The following INPP4B variants were observed in gnomAD, a reference collection of about 807,000 sequenced individuals.
The protein encoded by INPP4B is inositol polyphosphate-4-phosphatase type II B.
A neutral mutation model predicts 122.5 loss-of-function variants in INPP4B; 55 were observed. That is an observed-to-expected ratio of 0.45 (90% CI 0.36 to 0.56). INPP4B has a LOEUF of 0.56. Among genes scored for constraint, INPP4B ranks in the 20% least tolerant of loss-of-function variants. INPP4B has a pLI of 0.00. For missense variants in INPP4B, 1,000 were observed against 1,097.7 expected (o/e 0.91, Z 1.26); for synonymous variants, 403 against 388.7 (o/e 1.04, Z -0.43).
intron 3 of INPP4B, among the ~76,000 whole-genome samples, chr4:142,451,605 G>A (rs1211058539): frequency 6.6e-6 from 1 of 152,160 alleles, no homozygotes; most frequent in Admixed American, 6.5e-5. Flanking sequence ...CAGCATTCTG[G>A]TTACTTAACA....
At chr4:142,253,443 C>A (rs1005819956) in intron 11 of INPP4B, among the ~76,000 whole-genome samples, 9 of 152,300 alleles carry the variant, frequency 5.9e-5, no homozygotes, top group Admixed American at 5.2e-4. Flanking sequence ...TCTGAGGTAC[C>A]GGGTTCATCT....
intron 1 of INPP4B, among the ~76,000 whole-genome samples, chr4:142,754,508 T>C (rs1438219980): frequency 2.0e-5 from 3 of 152,002 alleles, no homozygotes; most frequent in Non-Finnish European, 4.4e-5. Flanking sequence ...TTATGCCATA[T>C]CCAGTCTTTA....
chr4:142,673,605 A>T lies in INPP4B; in HGVS notation c.-191+52234T>A. ...TTGGCCTGAGAAGGGCATAGGAATC[A>T]AGGGCTCAGACCTGTTAGGGATTTG... On this transcript the variant is annotated intron_variant, in intron 2 of 25. Transcript: ENST00000262992. Among the ~76,000 whole-genome samples, 2 of 152,092 alleles carry T rather than the reference A, an allele frequency of 1.3e-5. 1 individual carries two copies. The highest frequency in any genetic ancestry group is 2.9e-5 in the Non-Finnish European group (2 of 68,020).
intron 2 of INPP4B, among the ~76,000 whole-genome samples, chr4:142,494,775 T>C (rs1169304849): frequency 6.6e-6 from 1 of 152,154 alleles, no homozygotes; most frequent in Non-Finnish European, 1.5e-5. Flanking sequence ...CCCACAAAAA[T>C]CTCATTCTAT....
chr4:142,108,623 T>TGG (rs1414643768), intron 22 of INPP4B, among the ~76,000 whole-genome samples: 1 of 152,190 alleles, frequency 6.6e-6, no homozygotes, highest in Admixed American at 6.5e-5. Flanking sequence ...CACTGGACAC[T>TGG]GGGCTGCACG....
At chr4:142,665,263 C>T (rs765249459) in intron 2 of INPP4B, among the ~76,000 whole-genome samples, 8 of 152,158 alleles carry the variant, frequency 5.3e-5, no homozygotes, top group East Asian at 1.9e-4. Flanking sequence ...GAGGCCAAGG[C>T]GGGCAGATCA....
At chr4:142,134,903 T>C (rs1411756728) in intron 18 of INPP4B, among the ~76,000 whole-genome samples, 1 of 151,946 alleles carries the variant, frequency 6.6e-6, no homozygotes, top group Admixed American at 6.6e-5. Context: ...AATATTCATA[T>C]GTAGGAATTT....
intron 5 of INPP4B, among the ~76,000 whole-genome samples, chr4:142,410,701 T>C (rs1356482079): frequency 6.6e-6 from 1 of 152,204 alleles, no homozygotes; most frequent in African/African-American, 2.4e-5. Context: ...ATCTCTATTC[T>C]AGCATCTGCA....
At chr4:142,751,525 A>T (rs1432431103) in intron 1 of INPP4B, among the ~76,000 whole-genome samples, 1 of 152,116 alleles carries the variant, frequency 6.6e-6, no homozygotes, top group Non-Finnish European at 1.5e-5. Context: ...TGTAATATGC[A>T]TCCCTGAAAA....
chr4:142,162,902 G>A (rs1028710152), intron 16 of INPP4B, among the ~76,000 whole-genome samples: 1 of 151,864 alleles, frequency 6.6e-6, no homozygotes, highest in Admixed American at 6.6e-5. Flanking sequence ...GAAACTCTCT[G>A]GATCACCAGT....
chr4:142,414,265 G>GT (rs1220029183), intron 5 of INPP4B, among the ~76,000 whole-genome samples: 1 of 151,948 alleles, frequency 6.6e-6, no homozygotes, highest in African/African-American at 2.4e-5. Context: ...ATGTGTCTGT[G>GT]TGTGTGTTAA....
chr4:142,247,010 G>GT (rs1403013587), intron 11 of INPP4B, among the ~76,000 whole-genome samples: 3 of 149,302 alleles, frequency 2.0e-5, no homozygotes, highest in Non-Finnish European at 3.0e-5. Flanking sequence ...GCATGAAGGG[G>GT]TGAATTTTGT....
At chr4:142,822,424 G>A (rs1435896582) in intron 1 of INPP4B, among the ~76,000 whole-genome samples, 1 of 152,146 alleles carries the variant, frequency 6.6e-6, no homozygotes, top group Non-Finnish European at 1.5e-5. Flanking sequence ...CCAAACAGCA[G>A]GAGGTGAGCT....
chr4:142,098,226 G>A (rs552534842), intron 23 of INPP4B, among the ~76,000 whole-genome samples: 1 of 152,164 alleles, frequency 6.6e-6, no homozygotes, highest in South Asian at 2.1e-4. Flanking sequence ...TCAGTGTGGA[G>A]CAGAGTGAGG....
At position 142,720,759 on chromosome 4, in the gene INPP4B, T is replaced by TG. The variant is rs56352057; in HGVS notation, c.-191+5079_-191+5080insC. On this transcript the variant is annotated intron_variant, in intron 2 of 25. Transcript: ENST00000262992. ...ATATATATATATATACATATATATA[T>TG]AATCTCTCTCTCTCTCTCTCTCTCT... 7.2e-3 allele frequency among the ~76,000 whole-genome samples: 362 copies of TG among 50,370 alleles called. 5 individuals are homozygous for TG. Among genetic ancestry groups the TG allele is most frequent in the Middle Eastern group, 0.011 (1 of 90 alleles). The allele number at this position is 50,370 out of a possible 152,430, so 33.0% of individuals were successfully genotyped here.
intron 2 of INPP4B, among the ~76,000 whole-genome samples, chr4:142,573,611 TA>T (rs1395768822): frequency 6.6e-6 from 1 of 152,120 alleles, no homozygotes; most frequent in African/African-American, 2.4e-5. Flanking sequence ...ATTCCATTTT[TA>T]AAAACCTCCA....
chr4:142,343,239 A>C (rs911568194), intron 7 of INPP4B, among the ~76,000 whole-genome samples: 1 of 152,106 alleles, frequency 6.6e-6, no homozygotes, highest in Admixed American at 6.6e-5. Context: ...TTATGGTCTC[A>C]GTTCATTCCT....
intron 1 of INPP4B, among the ~76,000 whole-genome samples, chr4:142,783,927 A>C (rs1031685026): frequency 6.6e-6 from 1 of 152,238 alleles, no homozygotes; most frequent in East Asian, 1.9e-4. Flanking sequence ...AATGAGATAA[A>C]TTAGTTTATA....
intron 2 of INPP4B, among the ~76,000 whole-genome samples, chr4:142,628,345 G>T (rs1376108413): frequency 7.0e-6 from 1 of 142,796 alleles, no homozygotes; most frequent in East Asian, 2.1e-4. Context: ...CTCACTCATA[G>T]GTGGGAACTG....
Sources: gnomAD v4.1 joint callset for allele counts (sites outside exome capture counted in the v4.1 genomes callset) on GRCh38, gnomAD v4.1.1 for gene constraint, MANE v1.5 for transcripts, NCBI Gene and HGNC (gene_info 2026-07-23, HGNC 2026-07-21) for gene names.